The following SRGAP1 variants were observed in gnomAD, a reference collection of about 807,000 sequenced individuals.
SRGAP1 encodes SLIT-ROBO Rho GTPase-activating protein 1.
In SRGAP1, 43 loss-of-function variants were observed where a neutral mutation model predicts 121.9. That is an observed-to-expected ratio of 0.35 (90% CI 0.28 to 0.46). SRGAP1 has a LOEUF of 0.46. SRGAP1 is among the 20% of genes least tolerant of loss of function. The pLI, the probability that SRGAP1 is intolerant of heterozygous loss-of-function variation, is 1.00. For synonymous variants in SRGAP1, 447 were observed against 485.4 expected, an observed-to-expected ratio of 0.92 and a Z score of 1.04; for missense variants, 1,102 against 1,350.9, an observed-to-expected ratio of 0.82 and a Z score of 2.89.
chr12:64,062,821 T>C, intron 6 of SRGAP1, 96 bp from the exon 7 acceptor site: 1 of 862,800 alleles, frequency 1.2e-6, no homozygotes, highest in Non-Finnish European at 1.8e-6. Flanking sequence ...TACCCCCATG[T>C]TTCCTTCTGA....
chr12:64,086,932 C>A (rs2035955142), intron 10 of SRGAP1, 67 bp from the exon 11 acceptor site: 2 of 1,215,282 alleles, frequency 1.6e-6, no homozygotes, highest in South Asian at 1.4e-5. Context: ...ATAGGAGATA[C>A]AAAAGAGTAC....
rs2037082104 is a variant in SRGAP1 at position 64,148,238 on chromosome 12, T to C, written c.*5566T>C. 6.6e-6 allele frequency: 1 copy of C among 152,058 alleles called. No homozygotes were observed. Among genetic ancestry groups the C allele is most frequent in the South Asian group, 2.1e-4 (1 of 4,810 alleles). The allele number at this position is 152,058 out of a possible 1,614,324, so 9.4% of individuals were successfully genotyped here. ...AAATTGAAAAATAATCCTTAGGTTA[T>C]TTTTCTGTGCTTAGAACTCCCCGTG... On this transcript the variant is annotated 3_prime_UTR_variant, in exon 22 of 22. Coordinates refer to ENST00000355086, the MANE Select transcript of SRGAP1 (RefSeq NM_020762.4).
intron 1 of SRGAP1, among the ~76,000 whole-genome samples, chr12:63,883,819 C>T (rs1356980166): frequency 2.6e-5 from 4 of 151,436 alleles, no homozygotes; most frequent in East Asian, 2.0e-4. Context: ...CCGCCACACC[C>T]GGCTAATTTT....
chr12:64,113,606 T>C (rs2036468774), intron 17 of SRGAP1, among the ~76,000 whole-genome samples: 1 of 152,160 alleles, frequency 6.6e-6, no homozygotes, highest in African/African-American at 2.4e-5. Flanking sequence ...TATCAAAATA[T>C]CACATGTACC....
At chr12:63,979,921 C>T (rs1044277510) in intron 1 of SRGAP1, among the ~76,000 whole-genome samples, 8 of 152,360 alleles carry the variant, frequency 5.3e-5, no homozygotes, top group African/African-American at 9.6e-5. Flanking sequence ...CTTGCACTTA[C>T]GCTTTCACCA....
chr12:64,067,111 G>T (rs2035555059), intron 8 of SRGAP1, among the ~76,000 whole-genome samples: 2 of 152,082 alleles, frequency 1.3e-5, no homozygotes, highest in Non-Finnish European at 2.9e-5. Flanking sequence ...ATCCTACTTT[G>T]CCAGTCATTC....
intron 1 of SRGAP1, among the ~76,000 whole-genome samples, chr12:63,888,887 C>G (rs998078666): frequency 6.6e-5 from 10 of 152,202 alleles, no homozygotes; most frequent in Middle Eastern, 3.2e-3. Flanking sequence ...CACAACACAA[C>G]AAGAATATTG....
At chr12:64,140,024 T>C (rs1206283043) in intron 21 of SRGAP1, among the ~76,000 whole-genome samples, 2 of 150,776 alleles carry the variant, frequency 1.3e-5, no homozygotes, top group African/African-American at 4.9e-5. Flanking sequence ...CTTCTTTTTC[T>C]CAGGTTTGTC....
chr12:63,941,732 T>G (rs901533548), intron 1 of SRGAP1, among the ~76,000 whole-genome samples: 53 of 152,256 alleles, frequency 3.5e-4, no homozygotes, highest in African/African-American at 1.2e-3. Context: ...CTAACATATT[T>G]CTAGCATTTC....
rs142717158 is a variant in SRGAP1, at chr12:64,069,127, G to A, written c.1125+3908G>A. Among the ~76,000 whole-genome samples the A allele has an allele frequency of 2.0e-4, 31 of 152,094 alleles. No individual in the cohort carries two copies. In the East Asian group the frequency reaches 5.2e-3, roughly 26 times the overall value. On this transcript the variant is annotated intron_variant, in intron 8 of 21. Coordinates refer to ENST00000355086, the MANE Select transcript of SRGAP1 (RefSeq NM_020762.4). ...CACTAGACCTGTGTTTCTACAGGAC[G>A]GTAACTGACTTCCCTTAGACACAGA... is the stretch of plus-strand genomic sequence containing the variant.
intron 1 of SRGAP1, among the ~76,000 whole-genome samples, chr12:63,868,027 T>C (rs1899697223): frequency 7.6e-6 from 1 of 131,308 alleles, no homozygotes; most frequent in African/African-American, 2.9e-5. Flanking sequence ...GCTGATAAAT[T>C]CTATTTCCAT....
intron 1 of SRGAP1, among the ~76,000 whole-genome samples, chr12:63,893,910 C>G (rs1900666091): frequency 6.6e-6 from 1 of 152,242 alleles, no homozygotes; most frequent in Non-Finnish European, 1.5e-5. Context: ...ACAATCTTGG[C>G]TCACTGCAAC....
intron 8 of SRGAP1, among the ~76,000 whole-genome samples, chr12:64,066,228 A>G (rs1032554488): frequency 1.5e-4 from 23 of 152,222 alleles, no homozygotes; most frequent in Non-Finnish European, 2.9e-4. Context: ...TAGACGCAGA[A>G]CTATGTGGTC....
chr12:63,932,644 A>T (rs2031520799), intron 1 of SRGAP1, among the ~76,000 whole-genome samples: 1 of 152,200 alleles, frequency 6.6e-6, no homozygotes, highest in Non-Finnish European at 1.5e-5. Flanking sequence ...AAAGTCCTTG[A>T]AATATAGGGA....
chr12:64,116,992 T>C (rs1407860862), intron 18 of SRGAP1, among the ~76,000 whole-genome samples: 2 of 152,176 alleles, frequency 1.3e-5, no homozygotes, highest in Non-Finnish European at 1.5e-5. Flanking sequence ...TTCAGCAGGC[T>C]CTGGGGCATT....
chr12:63,921,265 C>T (rs2031032634), intron 1 of SRGAP1, among the ~76,000 whole-genome samples: 1 of 152,218 alleles, frequency 6.6e-6, no homozygotes, highest in Admixed American at 6.5e-5. Context: ...CTGTCGTAAT[C>T]TCCTAACTGC....
intron 1 of SRGAP1, among the ~76,000 whole-genome samples, chr12:63,980,586 C>A (rs1054915366): frequency 6.6e-6 from 1 of 150,660 alleles, no homozygotes; most frequent in African/African-American, 2.4e-5. Flanking sequence ...CTCTTCCTAA[C>A]GAGATGTTTC....
chr12:63,870,767 C>G (rs1392749571), intron 1 of SRGAP1, among the ~76,000 whole-genome samples: 2 of 151,994 alleles, frequency 1.3e-5, no homozygotes, highest in African/African-American at 4.8e-5. Context: ...TCTTGAACTC[C>G]TGAGCTCAAG....
chr12:64,021,637 A>G (rs2034552400), intron 4 of SRGAP1, among the ~76,000 whole-genome samples: 1 of 152,196 alleles, frequency 6.6e-6, no homozygotes, highest in African/African-American at 2.4e-5. Context: ...GTTGTGGGGA[A>G]CTATTTTCTA....
Sources: allele counts gnomAD v4.1 joint callset (sites outside exome capture counted in the v4.1 genomes callset), GRCh38; gene constraint gnomAD v4.1.1; transcripts MANE v1.5; gene names NCBI Gene and HGNC (gene_info 2026-07-23, HGNC 2026-07-21).